The following SP100 variants were observed in gnomAD, a reference collection of about 807,000 sequenced individuals.
SP100 encodes the protein SP100 nuclear body protein, also known as nuclear autoantigen Sp-100.
SP100 carries 84 observed loss-of-function variants against 130.0 expected under a neutral mutation model. The observed-to-expected ratio is 0.65, with a 90% CI of 0.54 to 0.77. The LOEUF is 0.77. SP100 is among the 30% of genes least tolerant of loss of function. The pLI is 0.00. For missense variants in SP100, 978 were observed against 1,052.2 expected, an observed-to-expected ratio of 0.93 and a Z score of 0.97; for synonymous variants, 331 against 351.7, an observed-to-expected ratio of 0.94 and a Z score of 0.66.
chr2:230,513,132 C>A (rs951109065), intron 24 of SP100, among the ~76,000 whole-genome samples: 1 of 152,162 alleles, frequency 6.6e-6, no homozygotes, highest in Non-Finnish European at 1.5e-5. Flanking sequence ...AGGTCCTTAT[C>A]CCGGAAGTTG....
intron 24 of SP100, among the ~76,000 whole-genome samples, chr2:230,516,861 C>T (rs1690941425): frequency 6.6e-6 from 1 of 152,076 alleles, no homozygotes; most frequent in African/African-American, 2.4e-5. Context: ...AAGATAACAA[C>T]CAGAATCACG....
At chr2:230,504,110 C>T in intron 20 of SP100, 76 bp from the exon 21 acceptor site, 1 of 729,742 alleles carries the variant, frequency 1.4e-6, no homozygotes, top group South Asian at 1.8e-5. Context: ...TAAAAGAAAG[C>T]TCTCAAGACA....
rs138908890 is a variant in SP100, at chr2:230,467,165, C to A, written c.1241C>A (p.Ala414Glu). Residue 414 changes from alanine (A) to glutamate (E), a missense_variant, in exon 13 of 29, where the codon GCG becomes GAG. Physicochemically the swap from Ala to Glu is moderately radical, Grantham distance 107. Transcript: ENST00000340126. ...TTTTCAGAATCCAGTGAGGAGGAGG[C>A]GCCCGCAGAAGCCTCGAGCGGGGCA... ...HDFSESSEEE[A>E]PAEASSGALR... The A allele has an allele frequency of 1.2e-6, 2 of 1,613,872 alleles. No individual in the cohort carries two copies. Among genetic ancestry groups the A allele is most frequent in the South Asian group, 2.2e-5 (2 of 91,072 alleles).
intron 3 of SP100, among the ~76,000 whole-genome samples, chr2:230,443,764 G>A (rs958669443): frequency 5.9e-5 from 9 of 152,184 alleles, no homozygotes; most frequent in Non-Finnish European, 1.2e-4. Context: ...ACAGCAAGGG[G>A]AGACTGGTTG....
intron 24 of SP100, chr2:230,515,547 T>G: frequency 6.3e-7 from 1 of 1,599,324 alleles, no homozygotes; most frequent in Non-Finnish European, 8.5e-7. Flanking sequence ...AAAAGAGAGT[T>G]GTCAAGGCTG....
chr2:230,518,962 T>C (rs1272138638), intron 24 of SP100, among the ~76,000 whole-genome samples: 1 of 152,098 alleles, frequency 6.6e-6, no homozygotes, highest in East Asian at 1.9e-4. Flanking sequence ...TACAGAGAGG[T>C]TTTATAGCTT....
At chr2:230,466,406 GT>G in intron 12 of SP100, 52 bp downstream of exon 12, 2 of 920,252 alleles carry the variant, frequency 2.2e-6, no homozygotes, top group Non-Finnish European at 3.6e-6. Flanking sequence ...TCTCTTCATG[GT>G]TATAAATGAA....
chr2:230,514,451 T>C (rs1336535928), intron 24 of SP100, among the ~76,000 whole-genome samples: 1 of 152,152 alleles, frequency 6.6e-6, no homozygotes, highest in East Asian at 1.9e-4. Flanking sequence ...CAGGAAATAA[T>C]TAAGTCCAAA....
intron 2 of SP100, among the ~76,000 whole-genome samples, chr2:230,429,958 T>A (rs915108058): frequency 2.0e-5 from 3 of 152,226 alleles, no homozygotes; most frequent in African/African-American, 7.2e-5. Flanking sequence ...GTTCACAGAT[T>A]ATTATTTCTT....
Position 230,539,269 on chromosome 2 carries a change from G to A in SP100, c.2097G>A (p.Pro699=), listed in dbSNP as rs768167006. Residue 699 remains proline (P), a splice_region_variant and synonymous_variant, in exon 25 of 29, where the codon CCG becomes CCA. Transcript: ENST00000340126. ...SHNNTLVDPC[P]ENSNICEVCN... The stretch of plus-strand genomic sequence containing the variant: ...GATGTCTACATCTCCCCTTCTAGCC[G>A]GAAAACTCAAATATATGTGAGGTGT... The A allele has an allele frequency of 3.0e-5, 49 of 1,611,580 alleles. 1 individual carries two copies. The highest frequency in any genetic ancestry group is 5.5e-5 in the South Asian group (5 of 90,996).
intron 24 of SP100, among the ~76,000 whole-genome samples, chr2:230,535,787 G>A (rs199571428): frequency 2.0e-5 from 3 of 150,998 alleles, no homozygotes; most frequent in Non-Finnish European, 4.4e-5. Flanking sequence ...CATGCCTGTC[G>A]TCCCAGCTAC....
At chr2:230,433,331 C>G (rs901068024) in intron 2 of SP100, among the ~76,000 whole-genome samples, 2 of 152,186 alleles carry the variant, frequency 1.3e-5, no homozygotes. Flanking sequence ...TTTATTTCTG[C>G]ACTCTCAGTT....
intron 24 of SP100, among the ~76,000 whole-genome samples, chr2:230,524,179 C>CAAA (rs71420292): frequency 1.1e-3 from 84 of 75,330 alleles, no homozygotes; most frequent in African/African-American, 1.3e-3. Context: ...ACTAAAAATA[C>CAAA]AAAAAAAAAA....
chr2:230,470,152 T>A, intron 15 of SP100, 54 bp downstream of exon 15: 1 of 1,560,510 alleles, frequency 6.4e-7, no homozygotes, highest in Non-Finnish European at 8.7e-7. Context: ...GGAATGTGAA[T>A]TAAAAGCTGC....
At position 230,446,920 on chromosome 2, in the gene SP100, A is replaced by G. The variant is rs1444210470; in HGVS notation, c.523+18A>G. 6 of 1,521,932 alleles carry G rather than the reference A, an allele frequency of 3.9e-6. No individual in the cohort carries two copies. In the East Asian group the frequency reaches 9.2e-5, roughly 23 times the overall value. 94.3% of individuals were successfully genotyped at this position (1,521,932 alleles called of 1,614,324 possible). A position where few individuals can be genotyped will look rare whatever the true frequency, so the allele number is the denominator to read the frequency against. On this transcript the variant is annotated intron_variant, in intron 5 of 28. Coordinates refer to ENST00000340126, the MANE Select transcript of SP100 (RefSeq NM_001080391.2). ...TGAACAAGGTAAAAATGACAGAATA[A>G]AAGCTTTTTTCTAAGAGAGGTTAGG...
chr2:230,462,378 G>T, intron 9 of SP100, 57 bp from the exon 10 acceptor site: 1 of 1,343,628 alleles, frequency 7.4e-7, no homozygotes, highest in South Asian at 1.2e-5. Flanking sequence ...ATTTCCTGGT[G>T]CATGGACTCC....
chr2:230,473,476 T>C (rs1225439413), intron 16 of SP100, 36 bp downstream of exon 16: 1 of 1,233,134 alleles, frequency 8.1e-7, no homozygotes, highest in African/African-American at 1.5e-5. Context: ...TGGAAGTGGC[T>C]CAGTGGATAT....
chr2:230,476,851 CTTTGT>C (rs922548206), intron 17 of SP100, among the ~76,000 whole-genome samples: 1 of 151,852 alleles, frequency 6.6e-6, no homozygotes, highest in Non-Finnish European at 1.5e-5. Flanking sequence ...CTCTGTGTTT[CTTTGT>C]TTTGTTTTGT....
intron 24 of SP100, among the ~76,000 whole-genome samples, chr2:230,530,709 CT>C (rs1691661555): frequency 6.6e-6 from 1 of 152,086 alleles, no homozygotes; most frequent in Admixed American, 6.6e-5. Flanking sequence ...CAAGAATCTA[CT>C]AAGAACTTAA....
Sources: allele counts gnomAD v4.1 joint callset (sites outside exome capture counted in the v4.1 genomes callset), GRCh38; gene constraint gnomAD v4.1.1; transcripts MANE v1.5; gene names NCBI Gene and HGNC (gene_info 2026-07-23, HGNC 2026-07-21).